The following HYDIN variants were observed in gnomAD, a reference collection of about 807,000 sequenced individuals.
HYDIN encodes the protein HYDIN axonemal central pair apparatus protein.
HYDIN carries 132 observed loss-of-function variants against 403.9 expected under a neutral mutation model. That is an observed-to-expected ratio of 0.33 (90% CI 0.28 to 0.38). The LOEUF (loss-of-function observed/expected upper bound fraction) is 0.38, where lower values mean the gene tolerates loss of function less well. HYDIN is among the 10% of genes least tolerant of loss of function. The pLI, the probability that HYDIN is intolerant of heterozygous loss-of-function variation, is 1.00. For missense variants in HYDIN, 2,827 were observed against 5,009.5 expected (o/e 0.56, Z 13.15); for synonymous variants, 1,202 against 1,891.7 (o/e 0.64, Z 9.46).
chr16:71,020,266 T>A lies in HYDIN; in HGVS notation c.3238A>T (p.Ile1080Phe). The change falls in exon 22 of 86, where the codon ATT becomes TTT. Residue 1080 changes from isoleucine to phenylalanine, a missense_variant. Coordinates refer to ENST00000393567, the MANE Select transcript of HYDIN (RefSeq NM_001270974.2). ...AACAAGTTCACGGGCAGGGTGGAAA[T>A]GTTCTTTATGGCCAAGGGCTGGTAA... The part of the protein sequence containing the change: ...PDYQPLAIKN[I>F]STLPVNLLLS... The A allele has an allele frequency of 6.2e-7, 1 of 1,613,982 alleles. No individual in the cohort carries two copies. Among genetic ancestry groups the A allele is most frequent in the Non-Finnish European group, 8.5e-7 (1 of 1,179,992 alleles).
At chr16:70,858,131 C>T (rs2143606819) in intron 71 of HYDIN, among the ~76,000 whole-genome samples, 1 of 151,598 alleles carries the variant, frequency 6.6e-6, no homozygotes, top group East Asian at 2.0e-4. Context: ...TGTGCCATGT[C>T]TTTGGATGGC....
chr16:71,119,639 A>C (rs1445776720), intron 9 of HYDIN, among the ~76,000 whole-genome samples: 1 of 152,202 alleles, frequency 6.6e-6, no homozygotes, highest in East Asian at 1.9e-4. Flanking sequence ...ACCTGAAAAC[A>C]GCGTGCTCAT....
intron 15 of HYDIN, among the ~76,000 whole-genome samples, chr16:71,066,247 T>G (rs536385854): frequency 6.6e-6 from 1 of 152,092 alleles, no homozygotes; most frequent in Admixed American, 6.5e-5. Flanking sequence ...AAGGACCACA[T>G]TAGGGTTTTT....
intron 83 of HYDIN, among the ~76,000 whole-genome samples, chr16:70,825,307 T>A (rs530811308): frequency 6.6e-6 from 1 of 151,602 alleles, no homozygotes; most frequent in Admixed American, 6.6e-5. Context: ...TGCTCTAATG[T>A]ATTTAGATGT....
rs138234519 is a variant in HYDIN, at chr16:70,991,955, A to C, written c.3785+115T>G. ...GCCTACACATAGAAGACATTTATTA[A>C]ACTGTTGACTGGGTACTGGATGAAT... On this transcript the variant is annotated intron_variant, in intron 24 of 85. Transcript: ENST00000393567. 0.015 allele frequency: 22,402 copies of C among 1,539,022 alleles called. 216 individuals carry two copies. Among genetic ancestry groups the C allele is most frequent in the Middle Eastern group, 0.033 (190 of 5,734 alleles).
intron 77 of HYDIN, among the ~76,000 whole-genome samples, chr16:70,836,218 C>T (rs1287065131): frequency 5.9e-5 from 9 of 152,292 alleles, no homozygotes; most frequent in Middle Eastern, 6.8e-3. Flanking sequence ...TGGGGAACAA[C>T]CTAAGGCAGG....
intron 83 of HYDIN, among the ~76,000 whole-genome samples, chr16:70,820,011 G>T (rs1439201752): frequency 1.4e-5 from 2 of 140,102 alleles, no homozygotes; most frequent in Admixed American, 1.4e-4. Context: ...TAGTAGAGAC[G>T]GGGTTTCACC....
chr16:71,019,440 T>C (rs2080389965), intron 22 of HYDIN, among the ~76,000 whole-genome samples: 1 of 152,298 alleles, frequency 6.6e-6, no homozygotes, highest in African/African-American at 2.4e-5. Context: ...GAGAGAGTAA[T>C]GACTCTTCAG....
intron 1 of HYDIN, among the ~76,000 whole-genome samples, chr16:71,189,782 A>C (rs986117213): frequency 7.9e-5 from 12 of 151,130 alleles, no homozygotes; most frequent in Non-Finnish European, 1.5e-4. Flanking sequence ...AAAAAAAAAA[A>C]CAAACAACAA....
intron 1 of HYDIN, among the ~76,000 whole-genome samples, chr16:71,204,496 C>T (rs1482770248): frequency 2.6e-5 from 4 of 152,212 alleles, no homozygotes; most frequent in Admixed American, 6.5e-5. Context: ...CAACATTGAT[C>T]ACTGGCTCTT....
At chr16:70,864,145 A>G (rs1597156652) in intron 67 of HYDIN, among the ~76,000 whole-genome samples, 1 of 151,974 alleles carries the variant, frequency 6.6e-6, no homozygotes, top group East Asian at 2.0e-4. Flanking sequence ...AGCTTGGCCA[A>G]CATAGTGAAA....
In HYDIN at chr16:70,920,791, C is replaced by T; in HGVS notation, c.7585G>A (p.Glu2529Lys). ...ERTEKERLER[E>K]KAERERLEKL... is the part of the protein sequence containing the mutation. ...TCCAGGCGCTCCCGCTCCGCCTTCTCCCTCTCCAGGCGCTCCTTCTCCGTG... is the reference window on the plus strand; with the variant it reads ...TCCAGGCGCTCCCGCTCCGCCTTCTTCCTCTCCAGGCGCTCCTTCTCCGTG... The change falls in exon 46 of 86, where the codon GAG (glutamate) becomes AAG (lysine). Residue 2529 changes from glutamate (E) to lysine (K), a missense_variant. Glu to Lys is a moderately conservative substitution (Grantham distance 56). Transcript: ENST00000393567. The T allele has an allele frequency of 9.6e-6, 15 of 1,560,612 alleles. No individual in the cohort carries two copies. The highest frequency in any genetic ancestry group is 1.3e-5 in the Non-Finnish European group (15 of 1,151,544).
intron 10 of HYDIN, among the ~76,000 whole-genome samples, chr16:71,107,990 A>T (rs1220869429): frequency 2.0e-5 from 3 of 152,174 alleles, no homozygotes; most frequent in Admixed American, 6.5e-5. Flanking sequence ...CGCAGCCATA[A>T]AAAAGAATGA....
intron 12 of HYDIN, among the ~76,000 whole-genome samples, chr16:71,084,776 C>T (rs1224030167): frequency 7.8e-6 from 1 of 127,860 alleles, no homozygotes; most frequent in Non-Finnish European, 1.6e-5. Flanking sequence ...CCTTCTACTC[C>T]TAGTTTGTTA....
At chr16:70,850,359 C>T in intron 74 of HYDIN, 89 bp downstream of exon 74, 1 of 918,616 alleles carries the variant, frequency 1.1e-6, no homozygotes, top group Non-Finnish European at 1.6e-6. Context: ...GCATTTGAAG[C>T]AGAAAGACTC....
chr16:71,062,027 T>A, intron 17 of HYDIN, 142 bp downstream of exon 17: 1 of 652,242 alleles, frequency 1.5e-6, no homozygotes. Flanking sequence ...TATTTTACCA[T>A]TGCAGAGTAA....
At position 70,908,830 on chromosome 16, in the gene HYDIN, C is replaced by G. The variant is rs535356887; in HGVS notation, c.8036G>C (p.Gly2679Ala). The change falls in exon 48 of 86, where the codon GGG becomes GCG. Residue 2679 changes from glycine to alanine, a missense_variant. Gly to Ala is a moderately conservative substitution (Grantham distance 60, BLOSUM62 0). Transcript: ENST00000393567. ...AQEEQTSSSK[G>A]GKQKMKEKID... ...CTTTTCTTTCATTTTCTGTTTGCCCCCCTTAGATGAGCTGGTCTGCTCCTC... is the reference window on the plus strand; with the variant it reads ...CTTTTCTTTCATTTTCTGTTTGCCCGCCTTAGATGAGCTGGTCTGCTCCTC... 4.3e-6 allele frequency: 7 copies of G among 1,614,158 alleles called. No individual in the cohort carries two copies. In the South Asian group the frequency reaches 7.7e-5, roughly 18 times the overall value.
intron 23 of HYDIN, among the ~76,000 whole-genome samples, chr16:71,012,022 TCTAGTGCGGC>T (rs1338505679): frequency 6.6e-6 from 1 of 152,218 alleles, no homozygotes; most frequent in East Asian, 1.9e-4. Flanking sequence ...TGCTCTAAGT[TCTAGTGCGGC>T]CTCAGCTTCC....
chr16:70,854,991 A>T, intron 73 of HYDIN, 137 bp downstream of exon 73: 1 of 620,770 alleles, frequency 1.6e-6, no homozygotes, highest in Non-Finnish European at 2.8e-6. Flanking sequence ...AGTAAGTAGG[A>T]TGGAGATGGA....
Sources: gnomAD v4.1 joint callset for allele counts (sites outside exome capture counted in the v4.1 genomes callset) on GRCh38, gnomAD v4.1.1 for gene constraint, MANE v1.5 for transcripts, NCBI Gene and HGNC (gene_info 2026-07-23, HGNC 2026-07-21) for gene names.